The following UGT1A6 variants were observed in gnomAD, a reference collection of about 807,000 sequenced individuals.
The protein encoded by UGT1A6 is UDP glucuronosyltransferase family 1 member A6.
A neutral mutation model predicts 44.4 loss-of-function variants in UGT1A6; 32 were observed. The observed-to-expected ratio is 0.72, with a 90% confidence interval of 0.54 to 0.97. The LOEUF is 0.97. Among genes scored for constraint, UGT1A6 ranks in the 50% least tolerant of loss-of-function variants. UGT1A6 has a pLI of 0.00. For missense variants in UGT1A6, 685 were observed against 661.9 expected (o/e 1.03, Z -0.38); for synonymous variants, 238 against 248.5 (o/e 0.96, Z 0.40).
intron 1 of UGT1A6, chr2:233,719,320 T>C (rs1246045139): frequency 6.8e-6 from 11 of 1,613,984 alleles, no homozygotes; most frequent in Non-Finnish European, 8.5e-6. Context: ...TACCTGTCGA[T>C]TCCTGCTGTG....
At chr2:233,711,952 C>A (rs2076206674) in intron 1 of UGT1A6, among the ~76,000 whole-genome samples, 1 of 152,208 alleles carries the variant, frequency 6.6e-6, no homozygotes, top group Non-Finnish European at 1.5e-5. Context: ...ACGTTTAATT[C>A]TCCATTTTGA....
chr2:233,760,883 C>G lies in UGT1A6; in HGVS notation c.862-6151C>G, dbSNP rs550460320. On this transcript the variant is annotated intron_variant, in intron 1 of 4. Coordinates refer to ENST00000305139, the MANE Select transcript of UGT1A6 (RefSeq NM_001072.4). ...TCCTACGTGCCCAGGCCTCTCTCCT[C>G]TCATTCAGATCACATGACCTTCCTG... 4 of 1,614,168 alleles carry G rather than the reference C, an allele frequency of 2.5e-6. No individual in the cohort carries two copies. The East Asian group carries it at 6.7e-5, about 27-fold the overall frequency.
chr2:233,750,078 A>G (rs1420625358), intron 1 of UGT1A6, among the ~76,000 whole-genome samples: 1 of 151,926 alleles, frequency 6.6e-6, no homozygotes, highest in African/African-American at 2.4e-5. Flanking sequence ...TAACAGGCAG[A>G]GGTTGGAACA....
intron 1 of UGT1A6, among the ~76,000 whole-genome samples, chr2:233,758,259 G>T (rs1163749283): frequency 6.6e-6 from 1 of 152,184 alleles, no homozygotes; most frequent in Non-Finnish European, 1.5e-5. Context: ...AGATTAGTAA[G>T]TATTTCTTGG....
chr2:233,743,601 C>G (rs201940151), intron 1 of UGT1A6: 4 of 1,367,294 alleles, frequency 2.9e-6, no homozygotes, highest in Middle Eastern at 2.1e-4. Flanking sequence ...GGGTCCTGGC[C>G]GCCGAAGAAC....
At chr2:233,738,832 A>G (rs6431628) in intron 1 of UGT1A6, 84,103 of 152,154 alleles carry the variant, frequency 0.55, 25,404 homozygotes, top group African/African-American at 0.81. Context: ...ATAAGGAGGA[A>G]CCAAATGTTA....
chr2:233,747,353 C>G, intron 1 of UGT1A6: 1 of 1,602,858 alleles, frequency 6.2e-7, no homozygotes, highest in Non-Finnish European at 8.5e-7. Flanking sequence ...TGCGGGAGGC[C>G]GTGCGGGAGC....
intron 1 of UGT1A6, among the ~76,000 whole-genome samples, chr2:233,740,219 C>T (rs1379344559): frequency 6.6e-6 from 1 of 151,748 alleles, no homozygotes; most frequent in African/African-American, 2.4e-5. Context: ...GTCTCAGCTG[C>T]GTCTTTATAG....
At chr2:233,748,132 A>T in intron 1 of UGT1A6, 1 of 1,610,152 alleles carries the variant, frequency 6.2e-7, no homozygotes, top group Middle Eastern at 2.1e-4. Flanking sequence ...CAGTTTTTAA[A>T]AATTGTATTT....
rs200734586 is a variant in UGT1A6 at position 233,760,641 on chromosome 2, G to T, written c.862-6393G>T. ...TCAAAACATACAAGAAAATAAAAAA[G>T]GACTCTGCTATGCTTTTGTCTGGCT... On this transcript the variant is annotated intron_variant, in intron 1 of 4. Transcript: ENST00000305139. The T allele has an allele frequency of 1.5e-4, 243 of 1,614,044 alleles. No individual in the cohort carries two copies. The highest frequency in any genetic ancestry group is 2.0e-4 in the Non-Finnish European group (236 of 1,180,030).
At chr2:233,726,124 C>T (rs1256965753) in intron 1 of UGT1A6, among the ~76,000 whole-genome samples, 1 of 152,176 alleles carries the variant, frequency 6.6e-6, no homozygotes, top group Non-Finnish European at 1.5e-5. Flanking sequence ...CATGTTCACA[C>T]CACCTCACTC....
intron 1 of UGT1A6, among the ~76,000 whole-genome samples, chr2:233,726,093 G>T (rs2077501561): frequency 6.6e-6 from 1 of 152,308 alleles, no homozygotes; most frequent in South Asian, 2.1e-4. Context: ...TTGATCCGAG[G>T]AGGTGGAGGC....
intron 1 of UGT1A6, chr2:233,747,179 G>T: frequency 3.1e-6 from 5 of 1,601,464 alleles, no homozygotes; most frequent in Non-Finnish European, 4.3e-6. Context: ...GCACAGCGTG[G>T]GGTGGACAGT....
rs558234193 is a variant in UGT1A6 at position 233,719,553 on chromosome 2, G to C, written c.861+25688G>C. 7.4e-6 allele frequency: 12 copies of C among 1,613,960 alleles called. No homozygotes were observed. In the South Asian group the frequency reaches 1.2e-4, roughly 16 times the overall value. On this transcript the variant is annotated intron_variant, in intron 1 of 4. Coordinates refer to ENST00000305139, the MANE Select transcript of UGT1A6 (RefSeq NM_001072.4). ...TGAGCTTTTTCAGAGAGAGGTGTCA[G>C]TGGTGGATCTTGTCAGCTATGCATC...
intron 1 of UGT1A6, among the ~76,000 whole-genome samples, chr2:233,727,564 G>A (rs1303726979): frequency 6.6e-6 from 1 of 152,214 alleles, no homozygotes; most frequent in Non-Finnish European, 1.5e-5. Flanking sequence ...CTCATCATGA[G>A]GGTGCTTAGG....
chr2:233,763,622 CTT>C (rs1698359948), intron 1 of UGT1A6, among the ~76,000 whole-genome samples: 1 of 152,186 alleles, frequency 6.6e-6, no homozygotes, highest in Non-Finnish European at 1.5e-5. Context: ...TACCATTCCT[CTT>C]GTGTTGATGG....
Position 233,768,202 on chromosome 2 carries a change from C to A in UGT1A6, c.1082-18C>A. 6.2e-7 allele frequency: 1 copy of A among 1,614,156 alleles called. No individual in the cohort carries two copies. On this transcript the variant is annotated intron_variant, in intron 3 of 4. Transcript: ENST00000305139. ...TCAGAGATGTAACTGCTGACATCCT[C>A]CCTATTTTGCATCTCAGGTCACCCG...
intron 1 of UGT1A6, chr2:233,744,014 C>A: frequency 9.4e-7 from 1 of 1,062,354 alleles, no homozygotes; most frequent in African/African-American, 1.7e-5. Flanking sequence ...CCTGGGCCGC[C>A]TGGAGAGACG....
At chr2:233,758,385 T>C (rs1230615266) in intron 1 of UGT1A6, among the ~76,000 whole-genome samples, 2 of 152,262 alleles carry the variant, frequency 1.3e-5, no homozygotes, top group Admixed American at 6.5e-5. Flanking sequence ...TGGTGACTTA[T>C]GTGTTTATAG....
Sources: allele counts gnomAD v4.1 joint callset (sites outside exome capture counted in the v4.1 genomes callset), GRCh38; gene constraint gnomAD v4.1.1; transcripts MANE v1.5; gene names NCBI Gene and HGNC (gene_info 2026-07-23, HGNC 2026-07-21).